FGD5: variants seen among roughly 807,000 people sequenced by gnomAD.
FGD5 encodes FYVE, RhoGEF and PH domain containing 5.
In FGD5, 28 loss-of-function variants were observed where a neutral mutation model predicts 133.4. The observed-to-expected ratio is 0.21, with a 90% CI of 0.16 to 0.29. FGD5 has a LOEUF of 0.29. FGD5 is among the 10% of genes least tolerant of loss of function. The pLI, the probability that FGD5 is intolerant of heterozygous loss-of-function variation, is 1.00. For synonymous variants in FGD5, 810 were observed against 776.5 expected (o/e 1.04, Z -0.72); for missense variants, 1,858 against 1,895.2 (o/e 0.98, Z 0.36).
chr3:14,916,617 G>A (rs1331954173), intron 11 of FGD5, among the ~76,000 whole-genome samples: 1 of 152,154 alleles, frequency 6.6e-6, no homozygotes, highest in East Asian at 1.9e-4. Flanking sequence ...GTACTGACAA[G>A]TGTATATCAC....
chr3:14,934,427 A>G lies in FGD5; in HGVS notation c.*1260A>G, dbSNP rs985277610. On this transcript the variant is annotated 3_prime_UTR_variant, in exon 20 of 20. Transcript: ENST00000285046. ...TCTGTTGCTGCCCTGTCCCCTACAA[A>G]AAAGGGAATTTGCTGACAAACTTTT... 6 of 152,176 alleles carry G rather than the reference A, an allele frequency of 3.9e-5. No individual in the cohort carries two copies. The highest frequency in any genetic ancestry group is 2.1e-4 in the South Asian group (1 of 4,830). The allele number at this position is 152,176 out of a possible 1,614,324, so 9.4% of individuals were successfully genotyped here.
chr3:14,830,272 G>T (rs1371285666), intron 1 of FGD5, among the ~76,000 whole-genome samples: 2 of 152,170 alleles, frequency 1.3e-5, no homozygotes, highest in South Asian at 2.1e-4. Context: ...TGTGCTTCTT[G>T]TTGAAATTGA....
intron 2 of FGD5, among the ~76,000 whole-genome samples, chr3:14,867,134 T>C (rs766592379): frequency 4.6e-5 from 7 of 152,248 alleles, no homozygotes; most frequent in Non-Finnish European, 1.0e-4. Context: ...TGTAAATCAC[T>C]GCAGATGAGG....
chr3:14,924,245 C>T, intron 17 of FGD5, 107 bp downstream of exon 17: 1 of 1,534,436 alleles, frequency 6.5e-7, no homozygotes, highest in South Asian at 1.2e-5. Flanking sequence ...TGACCAGTCT[C>T]TTCCAGACAG....
chr3:14,915,644 C>T (rs1282997823), intron 11 of FGD5, among the ~76,000 whole-genome samples: 8 of 151,822 alleles, frequency 5.3e-5, no homozygotes, highest in Non-Finnish European at 1.2e-4. Context: ...CGGGGCTCAC[C>T]CTAGTTCATG....
intron 4 of FGD5, among the ~76,000 whole-genome samples, chr3:14,890,722 C>A (rs750304004): frequency 1.3e-5 from 2 of 152,176 alleles, no homozygotes; most frequent in African/African-American, 2.4e-5. Context: ...GGGACTGAGT[C>A]GATTCAGTGA....
At position 14,922,548 on chromosome 3, in the gene FGD5, G is replaced by T; in HGVS notation, c.3807G>T (p.Lys1269Asn). Residue 1269 changes from lysine to asparagine, a missense_variant and splice_region_variant, in exon 15 of 20, where the codon AAG becomes AAT. Lys to Asn is a moderately conservative substitution (Grantham distance 94). This residue lies in a region of FGD5 where 1,824 missense variants were observed against 1,848.9 expected (regional missense o/e 0.99). Transcript: ENST00000285046. The surrounding 1 kb of genome is among the most constrained non-coding windows in gnomAD (Gnocchi z 4.1). The stretch of plus-strand genomic sequence containing the variant: ...GTCATCACTGTCACGCCTGTGGCAA[G>T]GTGAGTCGCTGCATCTGGGGTGAGT... ...LRRHHCHACG[K>N]IVCRNCSRNK... 6.3e-7 allele frequency: 1 copy of T among 1,577,702 alleles called. No individual in the cohort carries two copies. The highest frequency in any genetic ancestry group is 8.6e-7 in the Non-Finnish European group (1 of 1,162,300).
rs749391317 is a variant in FGD5, at chr3:14,820,991, C to T, written c.1920C>T (p.Ser640=). 7 of 1,613,726 alleles carry T rather than the reference C, an allele frequency of 4.3e-6. No homozygotes were observed. The highest frequency in any genetic ancestry group is 1.6e-4 in the Middle Eastern group (1 of 6,084). ...TKSSPSLLIE[S]DSPDKYKKKK... is the part of the protein sequence containing the mutation. ...GCTCTCCCTCACTCCTGATCGAGAG[C>T]GACTCCCCGGACAAGTACAAGAAGA... The change falls in exon 1 of 20, where the codon AGC becomes AGT. Residue 640 remains serine (S), a synonymous_variant. Coordinates refer to ENST00000285046, the MANE Select transcript of FGD5 (RefSeq NM_152536.4).
At chr3:14,812,028 G>GTGTA (rs1553621398) in intron 1 of FGD5, among the ~76,000 whole-genome samples, 3 of 101,422 alleles carry the variant, frequency 3.0e-5, no homozygotes, top group Non-Finnish European at 6.9e-5. Context: ...GTGTGTGTGT[G>GTGTA]TGTATGTATG....
chr3:14,841,715 T>C (rs2036924811), intron 1 of FGD5, among the ~76,000 whole-genome samples: 1 of 152,196 alleles, frequency 6.6e-6, no homozygotes, highest in Admixed American at 6.5e-5. Flanking sequence ...GGCTGGGATC[T>C]GGGTGCAAAA....
At chr3:14,846,043 A>G (rs1184164112) in intron 1 of FGD5, among the ~76,000 whole-genome samples, 1 of 152,192 alleles carries the variant, frequency 6.6e-6, no homozygotes, top group Admixed American at 6.5e-5. Flanking sequence ...CATAAAAGTG[A>G]CTGATTGTTA....
intron 2 of FGD5, among the ~76,000 whole-genome samples, chr3:14,869,880 C>T (rs1464265156): frequency 6.6e-6 from 1 of 152,160 alleles, no homozygotes; most frequent in Non-Finnish European, 1.5e-5. Flanking sequence ...TTGGCTGTTG[C>T]GAATGGTACT....
In FGD5 at chr3:14,847,923, A is replaced by G. The variant is rs2037080587; in HGVS notation, c.2526-16205A>G. Among the ~76,000 whole-genome samples, 3 of 152,174 alleles carry G rather than the reference A, an allele frequency of 2.0e-5. No homozygotes were observed. The South Asian group carries it at 6.2e-4, about 32-fold the overall frequency. ...AGTTGTCCATCTGTGGCATGGGGGC[A>G]TTGGGCTCCCCAGCTCTAGGAAAGG... is the stretch of plus-strand genomic sequence containing the variant. On this transcript the variant is annotated intron_variant, in intron 1 of 19. Transcript: ENST00000285046.
chr3:14,852,902 T>A (rs1457119699), intron 1 of FGD5, among the ~76,000 whole-genome samples: 1 of 152,136 alleles, frequency 6.6e-6, no homozygotes. Context: ...CCCCAGGCTG[T>A]GGGATGTGTG....
At chr3:14,884,538 C>T (rs2037888458) in intron 4 of FGD5, among the ~76,000 whole-genome samples, 1 of 152,214 alleles carries the variant, frequency 6.6e-6, no homozygotes, top group Non-Finnish European at 1.5e-5. Context: ...CCCCGATCTT[C>T]CCATTCAGGT....
chr3:14,933,140 G>C lies in FGD5; in HGVS notation c.4362G>C (p.Glu1454Asp). ...EDTNSAQRWI[E>D]AMEDASVL Reference sequence around the variant, plus strand: ...CTGTTTTGTTTTATAGGTGGATCGAGGCCATGGAAGATGCGAGTGTGTTAT... The same window carrying C: ...CTGTTTTGTTTTATAGGTGGATCGACGCCATGGAAGATGCGAGTGTGTTAT... Residue 1454 changes from glutamate to aspartate, a missense_variant, in exon 20 of 20, where the codon GAG becomes GAC. Around this residue, in one of 3 missense-constraint regions of FGD5, gnomAD observed 1,824 missense variants for 1,848.9 expected, o/e 0.99. Coordinates refer to ENST00000285046, the MANE Select transcript of FGD5 (RefSeq NM_152536.4). 6.2e-7 allele frequency: 1 copy of C among 1,613,656 alleles called. No homozygotes were observed. The highest frequency in any genetic ancestry group is 2.2e-5 in the East Asian group (1 of 44,888).
chr3:14,873,588 C>T (rs537907359), intron 2 of FGD5, among the ~76,000 whole-genome samples: 2 of 152,240 alleles, frequency 1.3e-5, no homozygotes, highest in South Asian at 4.2e-4. Context: ...CCTTTCTTGC[C>T]ATCAAACATG....
intron 11 of FGD5, 98 bp downstream of exon 11, chr3:14,911,027 G>T (rs913886697): frequency 8.6e-7 from 1 of 1,166,014 alleles, no homozygotes; most frequent in Non-Finnish European, 1.2e-6. Context: ...GGTGAGAGGA[G>T]AGTAGAACAG....
intron 7 of FGD5, 118 bp from the exon 8 acceptor site, chr3:14,900,285 G>A (rs1267069180): frequency 3.1e-6 from 3 of 969,060 alleles, no homozygotes; most frequent in Admixed American, 4.0e-5. Context: ...GGCCAGCAGG[G>A]GAGAGAGGGT....
Sources: allele counts gnomAD v4.1 joint callset (sites outside exome capture counted in the v4.1 genomes callset), GRCh38; gene constraint gnomAD v4.1.1; regional missense constraint gnomAD v4.1.1; non-coding constraint Gnocchi (gnomAD v3.1); transcripts MANE v1.5; gene names NCBI Gene and HGNC (gene_info 2026-07-23, HGNC 2026-07-21).